WDR62: variants seen among roughly 807,000 people sequenced by gnomAD.
The protein encoded by WDR62 is WD repeat-containing protein 62.
A neutral mutation model predicts 160.6 loss-of-function variants in WDR62; 112 were observed. The observed-to-expected ratio is 0.70, with a 90% CI of 0.60 to 0.82. WDR62 has a LOEUF of 0.82. WDR62 is among the 40% of genes least tolerant of loss of function. The pLI, the probability that WDR62 is intolerant of heterozygous loss-of-function variation, is 0.00. For synonymous variants in WDR62, 792 were observed against 815.1 expected (o/e 0.97, Z 0.48); for missense variants, 1,819 against 1,983.8 (o/e 0.92, Z 1.58).
chr19:36,081,645 G>T (rs758354064), intron 10 of WDR62, 75 bp downstream of exon 10: 21 of 1,606,074 alleles, frequency 1.3e-5, no homozygotes, highest in Non-Finnish European at 1.7e-5. Flanking sequence ...AGGGGCAGGA[G>T]AGAGTCTGAT....
In WDR62 at chr19:36,081,578, G is replaced by T. The variant is rs1971902457; in HGVS notation, c.1371+8G>T. 1.2e-6 allele frequency: 2 copies of T among 1,614,138 alleles called. No homozygotes were observed. Among genetic ancestry groups the T allele is most frequent in the Non-Finnish European group, 1.7e-6 (2 of 1,180,026 alleles). ...AAAAACATCTTCAGCAATGTGAGTGGCTTCCTTTGTGAACCATCTTTCAGG... is the reference window on the plus strand; with the variant it reads ...AAAAACATCTTCAGCAATGTGAGTGTCTTCCTTTGTGAACCATCTTTCAGG... On this transcript the variant is annotated splice_region_variant and intron_variant, in intron 10 of 31. Coordinates refer to ENST00000401500, the MANE Select transcript of WDR62 (RefSeq NM_001083961.2).
At chr19:36,105,941 C>T (rs918206943), downstream of WDR62, among the ~76,000 whole-genome samples, 1 of 152,096 alleles carries the variant, frequency 6.6e-6, no homozygotes. Context: ...TTGGGAGATC[C>T]GCCCACCTCG....
chr19:36,079,376 T>C (rs900048239), intron 9 of WDR62, among the ~76,000 whole-genome samples: 1 of 152,220 alleles, frequency 6.6e-6, no homozygotes, highest in Non-Finnish European at 1.5e-5. Context: ...ATTTTTATAC[T>C]GTGTTAAAAT....
intron 3 of WDR62, chr19:36,062,662 A>C (rs1568325472): frequency 1.3e-5 from 2 of 151,242 alleles, no homozygotes; most frequent in Admixed American, 1.3e-4. Flanking sequence ...AAAAAAAAAA[A>C]AAAAAAAAAA....
chr19:36,089,214 C>T lies in WDR62; in HGVS notation c.1866C>T (p.Thr622=). 1 of 1,614,180 alleles carries T rather than the reference C, an allele frequency of 6.2e-7. No homozygotes were observed. Among genetic ancestry groups the T allele is most frequent in the Non-Finnish European group, 8.5e-7 (1 of 1,180,034 alleles). ...CGGATGGACTACACTTTGTCCGTACCCACCACGTAGCAGAGAAAACCACCT... is the reference window on the plus strand; with the variant it reads ...CGGATGGACTACACTTTGTCCGTACTCACCACGTAGCAGAGAAAACCACCT... The part of the protein sequence containing the change: ...QGSDGLHFVR[T]HHVAEKTTLY... The change falls in exon 15 of 32, where the codon ACC becomes ACT. Residue 622 remains threonine, a synonymous_variant. Transcript: ENST00000401500.
intron 9 of WDR62, among the ~76,000 whole-genome samples, chr19:36,080,463 G>A (rs1249335003): frequency 6.8e-6 from 1 of 147,784 alleles, no homozygotes; most frequent in African/African-American, 2.5e-5. Flanking sequence ...TTTCGCTCTT[G>A]TTACCCAGAC....
chr19:36,098,556 TC>T (rs554467881), intron 21 of WDR62, among the ~76,000 whole-genome samples: 59 of 132,520 alleles, frequency 4.5e-4, no homozygotes, highest in African/African-American at 1.6e-3. Context: ...AGAGTGAGAC[TC>T]CCTCTCAAAA....
At chr19:36,091,376 G>T in intron 17 of WDR62, 26 bp from the exon 18 acceptor site, 1 of 1,189,682 alleles carries the variant, frequency 8.4e-7, no homozygotes, top group East Asian at 4.0e-5. Flanking sequence ...CCGAAGGCAA[G>T]TGCAGCCTCT....
intron 23 of WDR62, 30 bp downstream of exon 23, chr19:36,100,905 A>G: frequency 1.2e-6 from 2 of 1,613,832 alleles, no homozygotes; most frequent in Non-Finnish European, 1.7e-6. Context: ...AGGGAGCCTT[A>G]GTTGGAGGAA....
At position 36,086,761 on chromosome 19, in the gene WDR62, G is replaced by C; in HGVS notation, c.1717G>C (p.Glu573Gln). 6.2e-7 allele frequency: 1 copy of C among 1,608,658 alleles called. No homozygotes were observed. Among genetic ancestry groups the C allele is most frequent in the Non-Finnish European group, 8.5e-7 (1 of 1,177,236 alleles). The change falls in exon 13 of 32, where the codon GAG becomes CAG. Residue 573 changes from glutamate to glutamine, a missense_variant. Physicochemically the swap from Glu to Gln is conservative, Grantham distance 29 (BLOSUM62 2). This residue lies in a region of WDR62 where 934 missense variants were observed against 1,157.2 expected (regional missense o/e 0.81). Transcript: ENST00000401500. ...VLNVEKNYNL[E>Q]QTLDDHSSSI... Reference sequence around the variant, plus strand: ...GAACGTGGAGAAGAACTACAACCTGGAGCAGACGCTGGATGACCACTCCTC... The same window carrying C: ...GAACGTGGAGAAGAACTACAACCTGCAGCAGACGCTGGATGACCACTCCTC...
chr19:36,104,706 T>G (rs1285087571), intron 31 of WDR62, 31 bp downstream of exon 31: 1 of 1,613,960 alleles, frequency 6.2e-7, no homozygotes, highest in Non-Finnish European at 8.5e-7. Context: ...GGGAAAGGGT[T>G]GAGGGGTCTC....
chr19:36,105,396 C>T (rs571558996), downstream of WDR62, among the ~76,000 whole-genome samples: 21 of 152,254 alleles, frequency 1.4e-4, no homozygotes, highest in South Asian at 3.5e-3. Flanking sequence ...TGAGAACTCA[C>T]TGGGGCTGCT....
At chr19:36,097,367 G>C (rs1973036466) in intron 21 of WDR62, among the ~76,000 whole-genome samples, 1 of 152,234 alleles carries the variant, frequency 6.6e-6, no homozygotes, top group African/African-American at 2.4e-5. Flanking sequence ...ATAAGTAAAT[G>C]ACGTAGTAGG....
In WDR62 at chr19:36,085,635, G is replaced by A. The variant is rs112905723; in HGVS notation, c.1642+891G>A. On this transcript the variant is annotated intron_variant, in intron 12 of 31. Transcript: ENST00000401500. ...TTTTTGTATTTTTAGTACAGACGGG[G>A]TTTCACCATGTTAGCCTAGGCTGAA... 1.3e-3 allele frequency among the ~76,000 whole-genome samples: 200 copies of A among 152,016 alleles called. 1 individual carries two copies. Among genetic ancestry groups the A allele is most frequent in the African/African-American group, 4.7e-3 (196 of 41,472 alleles).
At position 36,066,301 on chromosome 19, in the gene WDR62, G is replaced by T; in HGVS notation, c.435G>T (p.Lys145Asn). Residue 145 changes from lysine (K) to asparagine (N), a missense_variant, in exon 5 of 32, where the codon AAG becomes AAT. By Grantham distance (94) the Lys-to-Asn change is moderately conservative. Around this residue, in one of 3 missense-constraint regions of WDR62, gnomAD observed 934 missense variants for 1,157.2 expected, o/e 0.81. Coordinates refer to ENST00000401500, the MANE Select transcript of WDR62 (RefSeq NM_001083961.2). ...TGCGCATCTGGGATGTGGAGGAGAA[G>T]AATCAGGTGGCGGAGATGCTAGGCC... ...PAVRIWDVEE[K>N]NQVAEMLGHK... is the part of the protein sequence containing the mutation. 6.2e-7 allele frequency: 1 copy of T among 1,614,254 alleles called. No individual in the cohort carries two copies. The highest frequency in any genetic ancestry group is 8.5e-7 in the Non-Finnish European group (1 of 1,180,032).
intron 15 of WDR62, 115 bp downstream of exon 15, chr19:36,089,421 G>T: frequency 6.5e-7 from 1 of 1,548,012 alleles, no homozygotes; most frequent in Non-Finnish European, 8.9e-7. Flanking sequence ...GAGGGACCCA[G>T]CAGGTGTTCC....
intron 29 of WDR62, 68 bp downstream of exon 29, chr19:36,103,275 T>C (rs1973501096): frequency 6.2e-7 from 1 of 1,611,834 alleles, no homozygotes; most frequent in Admixed American, 1.7e-5. Flanking sequence ...CCAGCCTAGC[T>C]GTGGGGCGTG....
At chr19:36,069,460 T>C (rs912454230) in intron 7 of WDR62, among the ~76,000 whole-genome samples, 8 of 150,554 alleles carry the variant, frequency 5.3e-5, no homozygotes, top group Non-Finnish European at 1.2e-4. Context: ...GCTCCTCACT[T>C]TCTAGACGGA....
chr19:36,096,471 C>T (rs951162549), intron 20 of WDR62, among the ~76,000 whole-genome samples: 11 of 151,952 alleles, frequency 7.2e-5, no homozygotes, highest in Non-Finnish European at 1.3e-4. Context: ...TTTGGGAGGC[C>T]GAGGCGAGCG....
Sources: allele counts gnomAD v4.1 joint callset (sites outside exome capture counted in the v4.1 genomes callset), GRCh38; gene constraint gnomAD v4.1.1; regional missense constraint gnomAD v4.1.1; transcripts MANE v1.5; gene names NCBI Gene and HGNC (gene_info 2026-07-23, HGNC 2026-07-21).